ST7L: variants seen among roughly 807,000 people sequenced by gnomAD.
ST7L encodes the protein suppression of tumorigenicity 7 like.
A neutral mutation model predicts 72.5 loss-of-function variants in ST7L; 57 were observed. The observed-to-expected ratio is 0.79, with a 90% confidence interval of 0.64 to 0.98. The LOEUF is 0.98. Ranked by LOEUF, ST7L falls within the 50% of genes least tolerant of loss-of-function variation. ST7L has a pLI of 0.00. For synonymous variants in ST7L, 221 were observed against 240.9 expected (o/e 0.92, Z 0.77); for missense variants, 576 against 672.2 (o/e 0.86, Z 1.58).
At chr1:112,532,789 T>G (rs1654584485) in intron 14 of ST7L, among the ~76,000 whole-genome samples, 1 of 152,174 alleles carries the variant, frequency 6.6e-6, no homozygotes, top group Non-Finnish European at 1.5e-5. Flanking sequence ...CAAAGATAAT[T>G]TTATGATTTC....
intron 6 of ST7L, among the ~76,000 whole-genome samples, chr1:112,585,508 C>T (rs1199999013): frequency 4.6e-5 from 7 of 151,954 alleles, no homozygotes; most frequent in Non-Finnish European, 5.9e-5. Context: ...TTTGGGAGGC[C>T]GAGGCGGGCG....
intron 14 of ST7L, among the ~76,000 whole-genome samples, chr1:112,530,438 G>A (rs1223824787): frequency 6.6e-6 from 1 of 152,026 alleles, no homozygotes; most frequent in African/African-American, 2.4e-5. Flanking sequence ...TTTTTGAGAT[G>A]GATTCTCGCT....
At chr1:112,568,411 A>T (rs1296658469) in intron 11 of ST7L, among the ~76,000 whole-genome samples, 7 of 137,766 alleles carry the variant, frequency 5.1e-5, no homozygotes, top group Non-Finnish European at 9.0e-5. Context: ...ATCTCGGCTC[A>T]CTGCAAGCTC....
chr1:112,573,346 CT>C (rs1455683967), intron 11 of ST7L, among the ~76,000 whole-genome samples: 43 of 84,830 alleles, frequency 5.1e-4, no homozygotes, highest in South Asian at 3.9e-3. Flanking sequence ...AAAACTCCCT[CT>C]CAAAAAAAAA....
At chr1:112,532,982 T>C (rs893159158) in intron 14 of ST7L, among the ~76,000 whole-genome samples, 2 of 152,238 alleles carry the variant, frequency 1.3e-5, no homozygotes, top group African/African-American at 4.8e-5. Flanking sequence ...AAGTTTATTA[T>C]GTTCAGTTTA....
intron 9 of ST7L, among the ~76,000 whole-genome samples, 159 bp from the exon 10 acceptor site, chr1:112,578,576 C>A (rs45626331): frequency 0.033 from 4,944 of 151,886 alleles, 141 homozygotes; most frequent in African/African-American, 0.075. Context: ...GAGTTCAAGA[C>A]CGGCCTGACC....
At chr1:112,619,366 TGTTACCGCTTCCAAACGAAATGAGG>T (rs1670471675), upstream of ST7L, 1 of 577,022 alleles carries the variant, frequency 1.7e-6, no homozygotes, top group African/African-American at 1.9e-5. Context: ...GACCCCGAAG[TGTTACCGCTTCCAAACGAAATGAGG>T]GTCACCTTTC....
In ST7L at chr1:112,619,131, C is replaced by T. The variant is rs140944883; in HGVS notation, c.-18G>A. The T allele has an allele frequency of 1.1e-5, 17 of 1,611,518 alleles. No individual in the cohort carries two copies. In the East Asian group the frequency reaches 1.1e-4, roughly 11 times the overall value. On this transcript the variant is annotated 5_prime_UTR_variant, in exon 1 of 15. Coordinates refer to ENST00000358039, the MANE Select transcript of ST7L (RefSeq NM_017744.5). Reference sequence around the variant, plus strand: ...TCCGCCATCTTGCCGCTATCGCAGGCGCCAGGAGCTGGGAGGGGAGAAGGA... The same window carrying T: ...TCCGCCATCTTGCCGCTATCGCAGGTGCCAGGAGCTGGGAGGGGAGAAGGA...
At chr1:112,583,230 G>A (rs1324639680) in intron 7 of ST7L, among the ~76,000 whole-genome samples, 1 of 152,110 alleles carries the variant, frequency 6.6e-6, no homozygotes, top group Non-Finnish European at 1.5e-5. Context: ...GAACTTAGCT[G>A]CCAGTAGATA....
intron 14 of ST7L, among the ~76,000 whole-genome samples, chr1:112,533,313 G>GTTATT (rs891093584): frequency 1.3e-5 from 2 of 149,076 alleles, no homozygotes. Flanking sequence ...GCATATGTGC[G>GTTATT]TTATTTTATT....
At chr1:112,542,642 C>T (rs1331872348) in intron 13 of ST7L, among the ~76,000 whole-genome samples, 1 of 151,968 alleles carries the variant, frequency 6.6e-6, no homozygotes, top group Non-Finnish European at 1.5e-5. Context: ...GTAGGTCCAG[C>T]TACTCTGGAG....
At chr1:112,521,671 T>C (rs72699053), downstream of ST7L, 1,180 of 152,212 alleles carry the variant, frequency 7.8e-3, 4 homozygotes, top group Non-Finnish European at 0.012. Flanking sequence ...CTCCAAGTCC[T>C]AGTGATTATT....
intron 4 of ST7L, among the ~76,000 whole-genome samples, chr1:112,599,261 A>G (rs1667044128): frequency 6.6e-6 from 1 of 151,630 alleles, no homozygotes; most frequent in South Asian, 2.1e-4. Flanking sequence ...TGTTTCTTAC[A>G]GGTATCCCTT....
intron 3 of ST7L, among the ~76,000 whole-genome samples, chr1:112,605,644 C>A (rs1374041030): frequency 6.6e-6 from 1 of 150,414 alleles, no homozygotes; most frequent in African/African-American, 2.5e-5. Context: ...GAGTCGAGAT[C>A]ACGCCACTGC....
At chr1:112,596,870 C>CT (rs2101998035) in intron 5 of ST7L, among the ~76,000 whole-genome samples, 2 of 152,286 alleles carry the variant, frequency 1.3e-5, no homozygotes, top group Admixed American at 1.3e-4. Context: ...CTCCTGACCT[C>CT]TGGTGATCCA....
chr1:112,589,671 A>C (rs183232548), intron 6 of ST7L, among the ~76,000 whole-genome samples: 41 of 152,328 alleles, frequency 2.7e-4, no homozygotes, highest in African/African-American at 9.1e-4. Context: ...AGGTTTCCTT[A>C]AACACCTGGG....
chr1:112,556,975 A>AC (rs1659255611), intron 11 of ST7L, among the ~76,000 whole-genome samples: 1 of 135,788 alleles, frequency 7.4e-6, no homozygotes, highest in South Asian at 2.1e-4. Flanking sequence ...TCAAAAAAAA[A>AC]AAAAAAAAAC....
Position 112,524,492 on chromosome 1 carries a change from CAG to C in ST7L, c.*1519_*1520del, listed in dbSNP as rs1001825740. Reference sequence around the variant, plus strand: ...GCCTTGTGGAGAGAGGTGCCAGACACAGAGTTCTCCGTAAGCAATCCTGCAGA... The same window carrying C: ...GCCTTGTGGAGAGAGGTGCCAGACACAGTTCTCCGTAAGCAATCCTGCAGA... On this transcript the variant is annotated 3_prime_UTR_variant, in exon 15 of 15. Coordinates refer to ENST00000358039, the MANE Select transcript of ST7L (RefSeq NM_017744.5). 1.3e-5 allele frequency: 2 copies of C among 152,724 alleles called. No individual in the cohort carries two copies. Among genetic ancestry groups the C allele is most frequent in the East Asian group, 3.8e-4 (2 of 5,198 alleles). The allele number at this position is 152,724 out of a possible 1,614,324, so 9.5% of individuals were successfully genotyped here. A position where few individuals can be genotyped will look rare whatever the true frequency, so the allele number is the denominator to read the frequency against.
At chr1:112,566,974 T>C (rs553224989) in intron 11 of ST7L, among the ~76,000 whole-genome samples, 12 of 152,212 alleles carry the variant, frequency 7.9e-5, no homozygotes, top group Non-Finnish European at 1.5e-4. Context: ...GGTATATACC[T>C]TGGAGTAGGA....
Sources: gnomAD v4.1 joint callset for allele counts (sites outside exome capture counted in the v4.1 genomes callset) on GRCh38, gnomAD v4.1.1 for gene constraint, MANE v1.5 for transcripts, NCBI Gene and HGNC (gene_info 2026-07-23, HGNC 2026-07-21) for gene names.